FSCN2: variants seen among roughly 807,000 people sequenced by gnomAD.
The protein encoded by FSCN2 is fascin actin-bundling protein 2, retinal.
A neutral mutation model predicts 37.8 loss-of-function variants in FSCN2; 46 were observed. The ratio of observed to expected loss-of-function variants is 1.22; its 90% CI spans 0.96 to 1.56. The LOEUF (loss-of-function observed/expected upper bound fraction) is 1.56. Ranked by LOEUF, FSCN2 falls within the 40% of genes most tolerant of loss-of-function variation. The pLI, the probability that FSCN2 is intolerant of heterozygous loss-of-function variation, is 0.00. For missense variants in FSCN2, 844 were observed against 730.4 expected (o/e 1.16, Z -1.79); for synonymous variants, 351 against 309.4 (o/e 1.13, Z -1.41).
At position 81,529,227 on chromosome 17, in the gene FSCN2, G is replaced by A; in HGVS notation, c.696G>A (p.Val232=). Residue 232 remains valine (V), a synonymous_variant, in exon 1 of 5, where the codon GTG becomes GTA. Coordinates refer to ENST00000417245, the MANE Select transcript of FSCN2 (RefSeq NM_012418.4). ...GCGACGGCCACTACCTGGCACCCGTGGGGCCCGCAGGCACCCTCAAGGCCG... is the reference window on the plus strand; with the variant it reads ...GCGACGGCCACTACCTGGCACCCGTAGGGCCCGCAGGCACCCTCAAGGCCG... ...KDCDGHYLAP[V]GPAGTLKAGR... 6.3e-7 allele frequency: 1 copy of A among 1,598,894 alleles called. No individual in the cohort carries two copies.
chr17:81,521,166 C>G, the FSCN2 span, among the ~76,000 whole-genome samples: 1 of 152,176 alleles, frequency 6.6e-6, no homozygotes, highest in African/African-American at 2.4e-5. Context: ...CTCCCAGGTT[C>G]AAGCGATTCT....
At position 81,535,079 on chromosome 17, in the gene FSCN2, A is replaced by G. The variant is rs1434291910; in HGVS notation, c.854A>G (p.Asp285Gly). 1 of 1,533,458 alleles carries G rather than the reference A, an allele frequency of 6.5e-7. No homozygotes were observed. Among genetic ancestry groups the G allele is most frequent in the Non-Finnish European group, 8.7e-7 (1 of 1,145,078 alleles). 95.0% of individuals were successfully genotyped at this position (1,533,458 alleles called of 1,614,324 possible). A position where few individuals can be genotyped will look rare whatever the true frequency, so the allele number is the denominator to read the frequency against. Reference sequence around the variant, plus strand: ...GTCAACGTCTCAGCCAATCAGGATGATGAACTAGACCACGAGACCTTCCTG... The same window carrying G: ...GTCAACGTCTCAGCCAATCAGGATGGTGAACTAGACCACGAGACCTTCCTG... The part of the protein sequence containing the change: ...QGVNVSANQD[D>G]ELDHETFLMQ... The change falls in exon 2 of 5, where the codon GAT becomes GGT. Residue 285 changes from aspartate to glycine, a missense_variant. Coordinates refer to ENST00000417245, the MANE Select transcript of FSCN2 (RefSeq NM_012418.4).
intron 1 of FSCN2, among the ~76,000 whole-genome samples, chr17:81,531,602 GATAAT>G (rs2032610702): frequency 2.9e-5 from 4 of 138,282 alleles, no homozygotes; most frequent in African/African-American, 8.3e-5. Context: ...TGATAGTGAT[GATAAT>G]GGTGATGATG....
intron 1 of FSCN2, among the ~76,000 whole-genome samples, chr17:81,531,810 A>ATGGTGG (rs1231066155): frequency 1.2e-5 from 1 of 80,750 alleles, no homozygotes; most frequent in Admixed American, 1.2e-4. Flanking sequence ...AATGGTGATG[A>ATGGTGG]TGGTGGTGGT....
At chr17:81,519,791 T>C in the FSCN2 span, among the ~76,000 whole-genome samples, 1 of 152,136 alleles carries the variant, frequency 6.6e-6, no homozygotes, top group African/African-American at 2.4e-5. Flanking sequence ...CTGCCCACGC[T>C]AGATGTCCGG....
chr17:81,528,777 G>A lies in FSCN2; in HGVS notation c.246G>A (p.Glu82=), dbSNP rs782215563. The change falls in exon 1 of 5, where the codon GAG becomes GAA. Residue 82 remains glutamate, a synonymous_variant. Coordinates refer to ENST00000417245, the MANE Select transcript of FSCN2 (RefSeq NM_012418.4). The part of the protein sequence containing the change: ...EEDGRVACEA[E]QPGRDCRFLV... ...ACGGGCGCGTGGCCTGTGAGGCAGAGCAGCCGGGCCGTGACTGCCGCTTCC... is the reference window on the plus strand; with the variant it reads ...ACGGGCGCGTGGCCTGTGAGGCAGAACAGCCGGGCCGTGACTGCCGCTTCC... 3 of 1,571,232 alleles carry A rather than the reference G, an allele frequency of 1.9e-6. No homozygotes were observed. Among genetic ancestry groups the A allele is most frequent in the African/African-American group, 2.7e-5 (2 of 74,020 alleles).
At chr17:81,531,725 G>GT (rs1568078039) in intron 1 of FSCN2, among the ~76,000 whole-genome samples, 4 of 104,498 alleles carry the variant, frequency 3.8e-5, no homozygotes, top group Non-Finnish European at 5.7e-5. Context: ...TGGTGGTGAT[G>GT]GTGATGGTGA....
the FSCN2 span, among the ~76,000 whole-genome samples, chr17:81,515,076 C>A: frequency 2.0e-5 from 3 of 151,200 alleles, no homozygotes; most frequent in East Asian, 5.9e-4. Context: ...CCTGGGGAGT[C>A]CCGGGACCGA....
At chr17:81,531,528 GCGATGGTGGTGA>G (rs2032601272) in intron 1 of FSCN2, among the ~76,000 whole-genome samples, 1 of 92,584 alleles carries the variant, frequency 1.1e-5, no homozygotes, top group Non-Finnish European at 2.2e-5. Flanking sequence ...GGTGGTGATG[GCGATGGTGGTGA>G]TGATGGTGAT....
chr17:81,532,290 G>GTGA (rs1171387779), intron 1 of FSCN2, among the ~76,000 whole-genome samples: 3 of 118,722 alleles, frequency 2.5e-5, no homozygotes, highest in African/African-American at 7.9e-5. Flanking sequence ...GGTGATGGTG[G>GTGA]TGATGATGAT....
In FSCN2 at chr17:81,535,192, G is replaced by A. The variant is rs186367879; in HGVS notation, c.967G>A (p.Ala323Thr). The change falls in exon 2 of 5, where the codon GCC (alanine) becomes ACC (threonine). Residue 323 changes from alanine to threonine, a missense_variant. Ala to Thr is a moderately conservative substitution (Grantham distance 58). Coordinates refer to ENST00000417245, the MANE Select transcript of FSCN2 (RefSeq NM_012418.4). ...WTLVTHGGIH[A>T]TATQVSANTM... is the part of the protein sequence containing the mutation. ...CCTGGTCACCCATGGGGGCATTCAC[G>A]CCACAGCCACACAAGTGTGAGTGCA... 0.032 allele frequency: 49,674 copies of A among 1,530,642 alleles called. 908 individuals are homozygous for A. The highest frequency in any genetic ancestry group is 0.055 in the Middle Eastern group (325 of 5,962). The allele number at this position is 1,530,642 out of a possible 1,614,324, so 94.8% of individuals were successfully genotyped here.
Position 81,536,611 on chromosome 17 carries a change from C to G in FSCN2, c.1106-11C>G. Reference sequence around the variant, plus strand: ...CGGGAGGGGCAGCGCAGCAGACGCTCTCCCCGCCAGGCAAGGACGAAGAGT... The same window carrying G: ...CGGGAGGGGCAGCGCAGCAGACGCTGTCCCCGCCAGGCAAGGACGAAGAGT... On this transcript the variant is annotated splice_polypyrimidine_tract_variant and intron_variant, in intron 3 of 4. Coordinates refer to ENST00000417245, the MANE Select transcript of FSCN2 (RefSeq NM_012418.4). The G allele has an allele frequency of 6.2e-7, 1 of 1,607,656 alleles. No homozygotes were observed. Among genetic ancestry groups the G allele is most frequent in the Non-Finnish European group, 8.5e-7 (1 of 1,179,596 alleles).
chr17:81,532,191 ATGGTGG>A (rs1273821496), intron 1 of FSCN2, among the ~76,000 whole-genome samples: 8 of 104,942 alleles, frequency 7.6e-5, no homozygotes, highest in East Asian at 2.9e-4. Context: ...GGTGGTGGTG[ATGGTGG>A]TGGTGGTGAT....
Position 81,528,729 on chromosome 17 carries a change from C to A in FSCN2, c.198C>A (p.Gly66=). ...TAVLLRSSHL[G]RYLSAEEDGR... Reference sequence around the variant, plus strand: ...TGCTGCTCCGCAGCAGCCACCTGGGCCGCTACCTGTCGGCAGAAGAGGACG... The same window carrying A: ...TGCTGCTCCGCAGCAGCCACCTGGGACGCTACCTGTCGGCAGAAGAGGACG... The change falls in exon 1 of 5, where the codon GGC becomes GGA. Residue 66 remains glycine (G), a synonymous_variant. Coordinates refer to ENST00000417245, the MANE Select transcript of FSCN2 (RefSeq NM_012418.4). 5 of 1,595,744 alleles carry A rather than the reference C, an allele frequency of 3.1e-6. No individual in the cohort carries two copies. The highest frequency in any genetic ancestry group is 1.7e-5 in the Admixed American group (1 of 57,316).
chr17:81,536,061 C>T (rs2032866509), intron 2 of FSCN2, 85 bp from the exon 3 acceptor site: 2 of 1,519,852 alleles, frequency 1.3e-6, no homozygotes, highest in Non-Finnish European at 8.9e-7. Flanking sequence ...TGTCCCACTC[C>T]TTGGAACCTG....
the FSCN2 span, among the ~76,000 whole-genome samples, chr17:81,515,364 G>A: frequency 1.3e-5 from 2 of 152,232 alleles, no homozygotes; most frequent in Non-Finnish European, 1.5e-5. Context: ...TAGCTGGGCG[G>A]CCTCCGGAGC....
intron 1 of FSCN2, among the ~76,000 whole-genome samples, chr17:81,531,318 ATGATGG>A (rs1568077132): frequency 1.0e-4 from 4 of 39,952 alleles, no homozygotes; most frequent in African/African-American, 2.0e-4. Context: ...GGTGGTGGTG[ATGATGG>A]TGGTGGTGGT....
At chr17:81,517,287 A>T in the FSCN2 span, among the ~76,000 whole-genome samples, 1 of 152,168 alleles carries the variant, frequency 6.6e-6, no homozygotes, top group African/African-American at 2.4e-5. Flanking sequence ...TGGGAGTCGG[A>T]CACCTGGGTT....
chr17:81,528,396 C>G lies in FSCN2; in HGVS notation c.-136C>G. 1 of 664,754 alleles carries G rather than the reference C, an allele frequency of 1.5e-6. No homozygotes were observed. The highest frequency in any genetic ancestry group is 2.6e-6 in the Non-Finnish European group (1 of 388,786). The allele number at this position is 664,754 out of a possible 1,614,324, so 41.2% of individuals were successfully genotyped here. A position where few individuals can be genotyped will look rare whatever the true frequency, so the allele number is the denominator to read the frequency against. ...CGGGTCAGAGGCGGGTCAGAGCAGGCAGGGGGTTCGTGACGCCGGCTGGGT... is the reference window on the plus strand; with the variant it reads ...CGGGTCAGAGGCGGGTCAGAGCAGGGAGGGGGTTCGTGACGCCGGCTGGGT... On this transcript the variant is annotated 5_prime_UTR_variant, in exon 1 of 5. Coordinates refer to ENST00000417245, the MANE Select transcript of FSCN2 (RefSeq NM_012418.4).
Sources: gnomAD v4.1 joint callset for allele counts (sites outside exome capture counted in the v4.1 genomes callset) on GRCh38, gnomAD v4.1.1 for gene constraint, MANE v1.5 for transcripts, NCBI Gene and HGNC (gene_info 2026-07-23, HGNC 2026-07-21) for gene names.